The following BMAL1 variants were observed in gnomAD, a reference collection of about 807,000 sequenced individuals.
BMAL1 encodes basic helix-loop-helix ARNT-like protein 1.
the BMAL1 span, among the ~76,000 whole-genome samples, chr11:13,377,808 G>A: frequency 7.2e-5 from 11 of 152,224 alleles, no homozygotes; most frequent in South Asian, 2.1e-4. Flanking sequence ...GCTCCTGCAC[G>A]TGTTGGTTGC....
chr11:13,363,191 C>A, the BMAL1 span, among the ~76,000 whole-genome samples: 1 of 133,446 alleles, frequency 7.5e-6, no homozygotes. Context: ...CAAGCAGAGT[C>A]CTGTGGATGG....
At chr11:13,278,143 C>T in the BMAL1 span, among the ~76,000 whole-genome samples, 1 of 152,182 alleles carries the variant, frequency 6.6e-6, no homozygotes, top group Non-Finnish European at 1.5e-5. Flanking sequence ...AGGCGCCGCG[C>T]CCGTCCGCCC....
the BMAL1 span, among the ~76,000 whole-genome samples, chr11:13,335,658 AAC>A: frequency 6.6e-6 from 1 of 152,218 alleles, no homozygotes; most frequent in East Asian, 1.9e-4. Flanking sequence ...TTAACACATA[AAC>A]ACAAATAATT....
chr11:13,283,839 C>T, the BMAL1 span, among the ~76,000 whole-genome samples: 132 of 152,186 alleles, frequency 8.7e-4, no homozygotes, highest in Middle Eastern at 3.4e-3. Context: ...TGGCCTCCCC[C>T]TGCTTTCTCT....
At chr11:13,321,635 C>T in the BMAL1 span, among the ~76,000 whole-genome samples, 1 of 152,158 alleles carries the variant, frequency 6.6e-6, no homozygotes, top group African/African-American at 2.4e-5. Flanking sequence ...TTGTAACCCA[C>T]ATGGGGCAAT....
At chr11:13,281,772 AGTGCTGGG>A in the BMAL1 span, among the ~76,000 whole-genome samples, 1 of 152,208 alleles carries the variant, frequency 6.6e-6, no homozygotes, top group South Asian at 2.1e-4. Flanking sequence ...GGCCTCCCAA[AGTGCTGGG>A]ATTACAGGCG....
chr11:13,280,341 A>G, the BMAL1 span, among the ~76,000 whole-genome samples: 2 of 152,258 alleles, frequency 1.3e-5, no homozygotes, highest in Admixed American at 6.5e-5. Context: ...TCACACCAAC[A>G]ATCTCTGTGG....
At chr11:13,302,506 G>A in the BMAL1 span, among the ~76,000 whole-genome samples, 18 of 152,192 alleles carry the variant, frequency 1.2e-4, no homozygotes, top group African/African-American at 4.3e-4. Context: ...CTATGCTGAG[G>A]CACAAGTGTG....
chr11:13,321,263 A>G, the BMAL1 span, among the ~76,000 whole-genome samples: 1 of 152,140 alleles, frequency 6.6e-6, no homozygotes. Context: ...TACGGTAGAT[A>G]TAAGTTCTTT....
the BMAL1 span, among the ~76,000 whole-genome samples, chr11:13,382,386 A>G: frequency 6.6e-6 from 1 of 152,200 alleles, no homozygotes; most frequent in South Asian, 2.1e-4. Context: ...TAATGGAGCT[A>G]ATAATGGTTA....
chr11:13,377,000 G>T, the BMAL1 span, among the ~76,000 whole-genome samples: 153 of 152,276 alleles, frequency 1.0e-3, no homozygotes, highest in African/African-American at 3.4e-3. Context: ...TACTCCCCTT[G>T]TGCTTTCCTC....
the BMAL1 span, among the ~76,000 whole-genome samples, chr11:13,341,308 T>C: frequency 1.3e-5 from 2 of 152,212 alleles, no homozygotes; most frequent in African/African-American, 4.8e-5. Context: ...ACCACCCCAC[T>C]TTGTAGTTGG....
chr11:13,362,171 A>ATT, the BMAL1 span, among the ~76,000 whole-genome samples: 1 of 152,186 alleles, frequency 6.6e-6, no homozygotes, highest in Non-Finnish European at 1.5e-5. Context: ...AACCCAATAT[A>ATT]GTGCTTCAAC....
At chr11:13,360,873 T>C in the BMAL1 span, among the ~76,000 whole-genome samples, 1 of 152,188 alleles carries the variant, frequency 6.6e-6, no homozygotes, top group Non-Finnish European at 1.5e-5. Flanking sequence ...ATCCCAGCAC[T>C]TTGAGAGGCC....
the BMAL1 span, among the ~76,000 whole-genome samples, chr11:13,318,737 G>A: frequency 6.6e-6 from 1 of 152,042 alleles, no homozygotes; most frequent in Non-Finnish European, 1.5e-5. Context: ...CACATCTGGA[G>A]GGTGGAGAGG....
chr11:13,330,436 G>A, the BMAL1 span, among the ~76,000 whole-genome samples: 4 of 152,240 alleles, frequency 2.6e-5, no homozygotes, highest in African/African-American at 9.6e-5. Flanking sequence ...CCCAGAAGGA[G>A]AACTGAGTTA....
chr11:13,325,657 T>TTGTGTGTG, the BMAL1 span, among the ~76,000 whole-genome samples: 39,997 of 134,106 alleles, frequency 0.3, 6,254 homozygotes, highest in East Asian at 0.52. Flanking sequence ...TTGAGACCTT[T>TTGTGTGTG]TGTGTGTGTG....
At chr11:13,340,834 C>T in the BMAL1 span, among the ~76,000 whole-genome samples, 1 of 152,244 alleles carries the variant, frequency 6.6e-6, no homozygotes, top group Non-Finnish European at 1.5e-5. Flanking sequence ...CATCCACTTC[C>T]ATGGCCATAG....
At chr11:13,356,726 T>C in the BMAL1 span, 1 of 1,614,114 alleles carries the variant, frequency 6.2e-7, no homozygotes, top group Non-Finnish European at 8.5e-7. Flanking sequence ...CACATTCTCT[T>C]TTGTTTTTTC....
Sources: gnomAD v4.1 joint callset for allele counts (sites outside exome capture counted in the v4.1 genomes callset) on GRCh38, gnomAD v4.1.1 for gene constraint, MANE v1.5 for transcripts, NCBI Gene and HGNC (gene_info 2026-07-23, HGNC 2026-07-21) for gene names.